The following PABPN1L variants were observed in gnomAD, a reference collection of about 807,000 sequenced individuals.
PABPN1L encodes the protein embryonic polyadenylate-binding protein 2.
Under a neutral mutation model 34.0 loss-of-function variants are expected in PABPN1L, and 45 were observed. That is an observed-to-expected ratio of 1.32 (90% CI 1.04 to 1.70). PABPN1L has a LOEUF of 1.70. PABPN1L is among the 40% of genes most tolerant of loss of function. The probability of loss-of-function intolerance (pLI) is 0.00; values close to 1 mark genes in which losing one functional copy is unlikely to be tolerated. For missense variants in PABPN1L, 459 were observed against 367.8 expected (o/e 1.25, Z -2.03); for synonymous variants, 182 against 152.1 (o/e 1.20, Z -1.45).
upstream of PABPN1L, among the ~76,000 whole-genome samples, chr16:88,868,825 C>T (rs1454708370): frequency 1.3e-5 from 2 of 152,212 alleles, no homozygotes; most frequent in African/African-American, 4.8e-5. Context: ...CGCTCAGCGA[C>T]TCTGCGTTTC....
rs370619732 is a variant in PABPN1L, at chr16:88,864,983, G to C, written c.566+39C>G. 27 of 1,600,326 alleles carry C rather than the reference G, an allele frequency of 1.7e-5. No homozygotes were observed. The African/African-American group carries it at 2.0e-4, about 12-fold the overall frequency. On this transcript the variant is annotated intron_variant, in intron 4 of 6. Coordinates refer to ENST00000419291, the Ensembl canonical transcript of PABPN1L. The stretch of plus-strand genomic sequence containing the variant: ...GAGGGGAGGGGTGAGGCTGGGCCCT[G>C]TCCGCATGGCCAGTGCCCCCACCAG...
exon 7 of PABPN1L, chr16:88,863,744 CG>C (rs1479235766): frequency 9.1e-6 from 14 of 1,535,914 alleles, no homozygotes; most frequent in Non-Finnish European, 8.7e-6. Context: ...CTCTCAAAAT[CG>C]GGTCTTCCCT....
At chr16:88,866,459 C>T (rs1238275034) in exon 1 of PABPN1L, 5 of 1,551,616 alleles carry the variant, frequency 3.2e-6, no homozygotes, top group Admixed American at 2.0e-5. Context: ...TCCTCTTTCT[C>T]CTCCTTCCCT....
At chr16:88,865,453 G>C in intron 3 of PABPN1L, 110 bp downstream of exon 3, 1 of 1,391,618 alleles carries the variant, frequency 7.2e-7, no homozygotes, top group South Asian at 1.3e-5. Context: ...TGCCCCCAGG[G>C]TCAGACCCCC....
intron 3 of PABPN1L, 58 bp from the exon 4 acceptor site, chr16:88,865,186 T>C: frequency 1.3e-6 from 2 of 1,511,690 alleles, no homozygotes; most frequent in Non-Finnish European, 1.8e-6. Flanking sequence ...CTCGGGGCCT[T>C]CTTGTTAGAG....
At position 88,866,509 on chromosome 16, in the gene PABPN1L, C is replaced by T; in HGVS notation, c.98G>A (p.Trp33Ter). The change falls in exon 1 of 7, where the codon TGG becomes TAG. Residue 33 changes from tryptophan to a stop codon, truncating the protein, a stop_gained. Coordinates refer to ENST00000419291, the Ensembl canonical transcript of PABPN1L. LOFTEE classifies it high-confidence loss of function. The stretch of plus-strand genomic sequence containing the variant: ...CCCCAGAATCTCCTTGGTCTCGTTC[C>T]AGGCCCCCCAGCCCTGGGCCTCAGG... 1 of 1,551,188 alleles carries T rather than the reference C, an allele frequency of 6.4e-7. No individual in the cohort carries two copies. The highest frequency in any genetic ancestry group is 8.7e-7 in the Non-Finnish European group (1 of 1,147,074).
chr16:88,867,255 T>G (rs535359503), upstream of PABPN1L, among the ~76,000 whole-genome samples: 1 of 147,952 alleles, frequency 6.8e-6, no homozygotes. Context: ...TAGGCAGGAG[T>G]CTTGCTTTGT....
Position 88,864,955 on chromosome 16 carries a change from A to T in PABPN1L, c.567-15T>A, listed in dbSNP as rs71395335. 1.0e-4 allele frequency: 125 copies of T among 1,249,730 alleles called. No individual in the cohort carries two copies. Among genetic ancestry groups the T allele is most frequent in the Non-Finnish European group, 1.2e-4 (107 of 872,986 alleles). The allele number at this position is 1,249,730 out of a possible 1,614,324, so 77.4% of individuals were successfully genotyped here. A position where few individuals can be genotyped will look rare whatever the true frequency, so the allele number is the denominator to read the frequency against. On this transcript the variant is annotated splice_polypyrimidine_tract_variant and intron_variant, in intron 4 of 6. Transcript: ENST00000419291. ...TGTAGGCATAACTGAGGGGAGGGGC[A>T]GGGAGGGGAGGGGTGAGGCTGGGCC...
At chr16:88,868,560 C>T (rs949006191), upstream of PABPN1L, among the ~76,000 whole-genome samples, 13 of 152,132 alleles carry the variant, frequency 8.5e-5, no homozygotes, top group East Asian at 1.2e-3. Flanking sequence ...GAGCCGAGAT[C>T]GCGCCACTGC....
chr16:88,864,840 A>C lies in PABPN1L; in HGVS notation c.654+13T>G, dbSNP rs930470822. The C allele has an allele frequency of 7.5e-6, 12 of 1,598,078 alleles. No homozygotes were observed. In the South Asian group the frequency reaches 1.1e-4, roughly 15 times the overall value. On this transcript the variant is annotated intron_variant, in intron 5 of 6. Transcript: ENST00000419291. ...TGCGCTCATGTTCCTGGACCTGGGG[A>C]GCACCGGCGCACCTTGATGACCCGG...
upstream of PABPN1L, among the ~76,000 whole-genome samples, chr16:88,867,070 A>C (rs1024457012): frequency 2.0e-5 from 3 of 152,304 alleles, no homozygotes; most frequent in African/African-American, 7.2e-5. Context: ...GGGCCTGAGC[A>C]GAGACCGAGA....
In PABPN1L at chr16:88,865,616, CAG is replaced by C. The variant is rs1968572928; in HGVS notation, c.404_405del (p.Ser135TrpfsTer10). On this transcript the variant is annotated frameshift_variant, in exon 3 of 7. Coordinates refer to ENST00000419291, the Ensembl canonical transcript of PABPN1L. LOFTEE classifies it high-confidence loss of function. ...GCCTCCACCTTCTCCTCGGGGGTCCCAGAGAGGGGGCAGCCTGCGGAGAACAC... is the reference window on the plus strand; with the variant it reads ...GCCTCCACCTTCTCCTCGGGGGTCCCAGAGGGGGCAGCCTGCGGAGAACAC... 2.5e-6 allele frequency: 4 copies of C among 1,609,392 alleles called. No individual in the cohort carries two copies. The highest frequency in any genetic ancestry group is 2.7e-5 in the African/African-American group (2 of 74,800).
chr16:88,865,506 T>G, intron 3 of PABPN1L, 57 bp downstream of exon 3: 2 of 1,572,440 alleles, frequency 1.3e-6, no homozygotes, highest in Non-Finnish European at 1.7e-6. Context: ...CGCCAGACCC[T>G]CTGGTAGAGA....
At chr16:88,864,171 C>T (rs146915244) in intron 6 of PABPN1L, 66 bp downstream of exon 6, 148 of 1,494,830 alleles carry the variant, frequency 9.9e-5, no homozygotes, top group Non-Finnish European at 1.3e-4. Flanking sequence ...CAGGGACCCC[C>T]TCCTGCCCCT....
chr16:88,866,387 G>A lies in PABPN1L; in HGVS notation c.220C>T (p.Gln74Ter). 6.4e-7 allele frequency: 1 copy of A among 1,550,868 alleles called. No homozygotes were observed. The highest frequency in any genetic ancestry group is 1.2e-5 in the South Asian group (1 of 84,056). ...AATGGGCACTCAGCCAGGTTCTCTT[G>A]CTCCAGCAGAGACAGCAGAAAGCCT... The change falls in exon 1 of 7, where the codon CAA becomes TAA. Residue 74 changes from glutamine (Q) to a stop codon, truncating the protein, a stop_gained. Coordinates refer to ENST00000419291, the Ensembl canonical transcript of PABPN1L. LOFTEE classifies it high-confidence loss of function.
chr16:88,865,433 G>A (rs1301893883), intron 3 of PABPN1L, 130 bp downstream of exon 3: 6 of 1,168,728 alleles, frequency 5.1e-6, no homozygotes, highest in Non-Finnish European at 7.2e-6. Context: ...TTTCCTCAAG[G>A]TGACGGGGCT....
chr16:88,865,739 G>T, intron 2 of PABPN1L, 67 bp downstream of exon 2: 1 of 1,558,262 alleles, frequency 6.4e-7, no homozygotes, highest in Non-Finnish European at 8.7e-7. Flanking sequence ...AGCCTGCCAG[G>T]CCCAACCTTA....
exon 7 of PABPN1L, chr16:88,863,646 C>T (rs943405974): frequency 8.8e-6 from 12 of 1,362,856 alleles, no homozygotes; most frequent in Admixed American, 5.9e-5. Context: ...GGACACCCCT[C>T]TCCTCTGGCC....
In PABPN1L at chr16:88,863,493, G is replaced by C. The variant is rs533005026; in HGVS notation, c.*263C>G. The C allele has an allele frequency of 1.3e-3, 743 of 576,718 alleles. 3 individuals are homozygous for C. The highest frequency in any genetic ancestry group is 0.013 in the African/African-American group (679 of 53,644). The allele number at this position is 576,718 out of a possible 1,614,324, so 35.7% of individuals were successfully genotyped here. On this transcript the variant is annotated 3_prime_UTR_variant, in exon 7 of 7. Coordinates refer to ENST00000419291, the Ensembl canonical transcript of PABPN1L. ...TGCTCCTCCCCTCCCTCAACACCCA[G>C]AGCCCCGCAGATCCCCGTGGGGCCC...
Sources: allele counts gnomAD v4.1 joint callset (sites outside exome capture counted in the v4.1 genomes callset), GRCh38; gene constraint gnomAD v4.1.1; transcripts MANE v1.5; gene names NCBI Gene and HGNC (gene_info 2026-07-23, HGNC 2026-07-21).